The following RAB1A variants were observed in gnomAD, a reference collection of about 807,000 sequenced individuals.
The protein encoded by RAB1A is ras-related protein Rab-1A.
A neutral mutation model predicts 26.0 loss-of-function variants in RAB1A; 2 were observed. That is an observed-to-expected ratio of 0.08 (90% CI 0.03 to 0.24). The LOEUF is 0.24. RAB1A is among the 10% of genes least tolerant of loss of function. The pLI is 1.00. For synonymous variants in RAB1A, 84 were observed against 84.9 expected, an observed-to-expected ratio of 0.99 and a Z score of 0.06; for missense variants, 100 against 247.0, an observed-to-expected ratio of 0.40 and a Z score of 3.99.
At chr2:65,113,416 G>A (rs1669748292) in intron 1 of RAB1A, among the ~76,000 whole-genome samples, 1 of 152,124 alleles carries the variant, frequency 6.6e-6, no homozygotes, top group South Asian at 2.1e-4. Context: ...TGAGGCAGGA[G>A]GGTAACTTGA....
rs557870565 is a variant in RAB1A, at chr2:65,112,082, C to CA, written c.24-7277dup. 3.0e-3 allele frequency among the ~76,000 whole-genome samples: 448 copies of CA among 149,500 alleles called. 2 individuals carry two copies. The highest frequency in any genetic ancestry group is 5.6e-3 in the Admixed American group (84 of 15,074). ...TGGGCAACAGAACAAGACTCCATCTCAAAAAAAACAAAACAAAACAAAACG... is the reference window on the plus strand; with the variant it reads ...TGGGCAACAGAACAAGACTCCATCTCAAAAAAAAACAAAACAAAACAAAACG... On this transcript the variant is annotated intron_variant, in intron 1 of 5. Transcript: ENST00000409784.
intron 2 of RAB1A, 127 bp downstream of exon 2, chr2:65,104,607 C>A (rs1669510077): frequency 1.4e-6 from 1 of 734,238 alleles, no homozygotes; most frequent in Admixed American, 2.9e-5. Flanking sequence ...TATTTGGAGT[C>A]TTTAAATATA....
chr2:65,118,098 CAA>C (rs1158712523), intron 1 of RAB1A, among the ~76,000 whole-genome samples: 2 of 152,196 alleles, frequency 1.3e-5, no homozygotes, highest in Non-Finnish European at 2.9e-5. Flanking sequence ...TGTACACACA[CAA>C]ACTTTCTGTC....
intron 1 of RAB1A, chr2:65,105,350 C>CA: frequency 5.5e-6 from 1 of 180,650 alleles, no homozygotes; most frequent in South Asian, 9.1e-5. Flanking sequence ...ATTAAAAATA[C>CA]AAAAATTAGC....
chr2:65,128,285 C>A (rs1372224916), intron 1 of RAB1A, among the ~76,000 whole-genome samples: 1 of 152,072 alleles, frequency 6.6e-6, no homozygotes, highest in Non-Finnish European at 1.5e-5. Context: ...GATTTATTTA[C>A]ACTAATAAAC....
At chr2:65,094,571 C>T (rs1438317622) in intron 3 of RAB1A, among the ~76,000 whole-genome samples, 19 of 133,996 alleles carry the variant, frequency 1.4e-4, no homozygotes, top group African/African-American at 2.3e-4. Flanking sequence ...GCAACAAGAG[C>T]GAAACTCCGT....
intron 3 of RAB1A, among the ~76,000 whole-genome samples, chr2:65,094,943 A>G (rs1041111086): frequency 6.6e-6 from 1 of 152,222 alleles, no homozygotes; most frequent in Non-Finnish European, 1.5e-5. Flanking sequence ...AGGCTTGCCA[A>G]TAAAAGAGGA....
chr2:65,104,258 G>A (rs1038023906), intron 2 of RAB1A, among the ~76,000 whole-genome samples: 1 of 151,948 alleles, frequency 6.6e-6, no homozygotes, highest in Non-Finnish European at 1.5e-5. Flanking sequence ...ACAGAGTCAT[G>A]CTATGTTGTC....
At chr2:65,105,769 CT>C (rs375474499) in intron 1 of RAB1A, among the ~76,000 whole-genome samples, 29 of 146,364 alleles carry the variant, frequency 2.0e-4, no homozygotes, top group Non-Finnish European at 2.1e-4. Context: ...GAAAACCAAG[CT>C]TTTTTTTTTT....
chr2:65,089,267 C>T (rs546331956), intron 4 of RAB1A, among the ~76,000 whole-genome samples, 197 bp from the exon 5 acceptor site: 1 of 152,154 alleles, frequency 6.6e-6, no homozygotes, highest in Non-Finnish European at 1.5e-5. Context: ...GGCCGGAGTG[C>T]AGTGGCACAA....
At position 65,093,573 on chromosome 2, in the gene RAB1A, G is replaced by A. The variant is rs987051536; in HGVS notation, c.193-2495C>T. 2.6e-5 allele frequency among the ~76,000 whole-genome samples: 4 copies of A among 151,080 alleles called. No individual in the cohort carries two copies. The East Asian group carries it at 5.8e-4, about 22-fold the overall frequency. On this transcript the variant is annotated intron_variant, in intron 3 of 5. Coordinates refer to ENST00000409784, the MANE Select transcript of RAB1A (RefSeq NM_004161.5). ...GACCTAGAAAACTTGAAGGATTACT[G>A]AAGCCAAGCAAGAGGAAATGATAGG...
chr2:65,129,928 GCCGCCGCCGCCA>G lies in RAB1A; in HGVS notation c.-25_-14del. ...TCATGCTGGACATGTCACTGCAGCT[GCCGCCGCCGCCA>G]CCGCCGCCCTTGCTGCCGCAGCCGC... On this transcript the variant is annotated 5_prime_UTR_variant, in exon 1 of 6. Coordinates refer to ENST00000409784, the MANE Select transcript of RAB1A (RefSeq NM_004161.5). 1 of 1,581,416 alleles carries G rather than the reference GCCGCCGCCGCCA, an allele frequency of 6.3e-7. No individual in the cohort carries two copies. The highest frequency in any genetic ancestry group is 1.4e-5 in the African/African-American group (1 of 72,144).
chr2:65,120,914 T>C (rs1196124681), intron 1 of RAB1A, among the ~76,000 whole-genome samples: 2 of 152,142 alleles, frequency 1.3e-5, no homozygotes, highest in African/African-American at 2.4e-5. Flanking sequence ...AGTTTCACTG[T>C]TGAAGATCAC....
chr2:65,101,457 G>A (rs1669424896), intron 2 of RAB1A, among the ~76,000 whole-genome samples: 1 of 151,860 alleles, frequency 6.6e-6, no homozygotes, highest in African/African-American at 2.4e-5. Flanking sequence ...ATATTTTGAG[G>A]GTATGGGGAT....
At chr2:65,125,073 T>G (rs146457173) in intron 1 of RAB1A, among the ~76,000 whole-genome samples, 56 of 138,986 alleles carry the variant, frequency 4.0e-4, no homozygotes, top group African/African-American at 1.4e-3. Context: ...AAAGGTCAAA[T>G]GTTTCTTGAG....
chr2:65,129,934 G>GCCGCCA lies in RAB1A; in HGVS notation c.-25_-20dup. The GCCGCCA allele has an allele frequency of 5.7e-6, 9 of 1,580,536 alleles. No individual in the cohort carries two copies. The highest frequency in any genetic ancestry group is 7.7e-6 in the Non-Finnish European group (9 of 1,164,950). ...TGGACATGTCACTGCAGCTGCCGCC[G>GCCGCCA]CCGCCACCGCCGCCCTTGCTGCCGC... is the stretch of plus-strand genomic sequence containing the variant. On this transcript the variant is annotated 5_prime_UTR_variant, in exon 1 of 6. Coordinates refer to ENST00000409784, the MANE Select transcript of RAB1A (RefSeq NM_004161.5).
chr2:65,125,666 G>A (rs895138767), intron 1 of RAB1A, among the ~76,000 whole-genome samples: 12 of 150,864 alleles, frequency 8.0e-5, no homozygotes, highest in African/African-American at 2.9e-4. Context: ...CGCCCACCTC[G>A]GCCTCCCAAA....
At chr2:65,123,998 A>G (rs551334261) in intron 1 of RAB1A, among the ~76,000 whole-genome samples, 1 of 151,476 alleles carries the variant, frequency 6.6e-6, no homozygotes, top group African/African-American at 2.4e-5. Flanking sequence ...TTTATTTTTT[A>G]TTTTTTTGAG....
intron 2 of RAB1A, among the ~76,000 whole-genome samples, chr2:65,103,310 A>AAAAAAAAAAAAAAAAAAAAAAAAAAAAC (rs1226329509): frequency 6.6e-6 from 1 of 151,614 alleles, no homozygotes; most frequent in Non-Finnish European, 1.5e-5. Context: ...AAAAAAAAAA[A>AAAAAAAAAAAAAAAAAAAAAAAAAAAAC]AAAACATTGT....
Sources: allele counts gnomAD v4.1 joint callset (sites outside exome capture counted in the v4.1 genomes callset), GRCh38; gene constraint gnomAD v4.1.1; transcripts MANE v1.5; gene names NCBI Gene and HGNC (gene_info 2026-07-23, HGNC 2026-07-21).